Variants in SLC6A3 observed in about 807,000 individuals in gnomAD.
The protein encoded by SLC6A3 is solute carrier family 6 member 3.
Under a neutral mutation model 70.4 loss-of-function variants are expected in SLC6A3, and 19 were observed. The ratio of observed to expected loss-of-function variants is 0.27; its 90% CI spans 0.19 to 0.40. The LOEUF is 0.40. Among genes scored for constraint, SLC6A3 ranks in the 10% least tolerant of loss-of-function variants. The pLI is 1.00. For synonymous variants in SLC6A3, 368 were observed against 356.6 expected (o/e 1.03, Z -0.36); for missense variants, 613 against 838.5 (o/e 0.73, Z 3.32).
chr5:1,414,865 T>G, intron 7 of SLC6A3, 50 bp from the exon 8 acceptor site: 1 of 1,611,458 alleles, frequency 6.2e-7, no homozygotes, highest in Non-Finnish European at 8.5e-7. Context: ...CTGCAGCAGC[T>G]GCAATTTTCC....
At chr5:1,424,226 TCA>T (rs1756528171) in intron 4 of SLC6A3, among the ~76,000 whole-genome samples, 1 of 152,222 alleles carries the variant, frequency 6.6e-6, no homozygotes, top group Non-Finnish European at 1.5e-5. Flanking sequence ...AGCCGCTCAG[TCA>T]AGAGGCTATC....
intron 4 of SLC6A3, among the ~76,000 whole-genome samples, chr5:1,431,772 G>T (rs1756712158): frequency 6.6e-6 from 1 of 152,164 alleles, no homozygotes. Context: ...GGAGGACTGT[G>T]CAGGTCAGGC....
intron 4 of SLC6A3, among the ~76,000 whole-genome samples, chr5:1,426,148 G>C (rs1756570745): frequency 6.6e-6 from 1 of 152,056 alleles, no homozygotes; most frequent in African/African-American, 2.4e-5. Context: ...TCAACTTCTG[G>C]GTATCTACTC....
chr5:1,415,289 C>G (rs466630), intron 7 of SLC6A3, among the ~76,000 whole-genome samples: 107,566 of 151,560 alleles, frequency 0.71, 38,680 homozygotes, highest in Middle Eastern at 0.85. Context: ...GGAGGCAAGC[C>G]GAGGACGAAG....
At position 1,405,122 on chromosome 5, in the gene SLC6A3, C is replaced by T. The variant is rs568152476; in HGVS notation, c.1599+1066G>A. 4.6e-5 allele frequency among the ~76,000 whole-genome samples: 7 copies of T among 152,352 alleles called. No homozygotes were observed. Among genetic ancestry groups the T allele is most frequent in the South Asian group, 2.1e-4 (1 of 4,826 alleles). ...GAATCCAGGAACCTTCAACGGGAGC[C>T]TTCACAAGCGCAGTTAACTGGACTT... is the stretch of plus-strand genomic sequence containing the variant. On this transcript the variant is annotated intron_variant, in intron 12 of 14. Transcript: ENST00000270349. The surrounding 1 kb of genome is among the most constrained non-coding windows in gnomAD (Gnocchi z 5.3).
intron 3 of SLC6A3, 32 bp from the exon 4 acceptor site, chr5:1,432,730 G>A (rs377082686): frequency 2.1e-5 from 31 of 1,505,712 alleles, no homozygotes; most frequent in African/African-American, 2.8e-5. Context: ...TGGAGCCCAC[G>A]CAGGTGGAGC....
At position 1,438,854 on chromosome 5, in the gene SLC6A3, C is replaced by T. The variant is rs1756901726; in HGVS notation, c.418+2505G>A. On this transcript the variant is annotated intron_variant, in intron 3 of 14. Transcript: ENST00000270349. The surrounding 1 kb of genome is among the most constrained non-coding windows in gnomAD (Gnocchi z 6.5). ...TGCAGCCTGTGCCAGAGCACAATGT[C>T]ATCTTTCCTCAGTTTCCCCTACCCC... is the stretch of plus-strand genomic sequence containing the variant. Among the ~76,000 whole-genome samples, 1 of 152,236 alleles carries T rather than the reference C, an allele frequency of 6.6e-6. No individual in the cohort carries two copies. Among genetic ancestry groups the T allele is most frequent in the Non-Finnish European group, 1.5e-5 (1 of 68,046 alleles).
intron 9 of SLC6A3, 53 bp from the exon 10 acceptor site, chr5:1,409,902 G>C: frequency 6.2e-7 from 1 of 1,609,352 alleles, no homozygotes; most frequent in Non-Finnish European, 8.5e-7. Flanking sequence ...CCTGACCGCA[G>C]CCTGGGCCAA....
chr5:1,411,992 GCACA>G lies in SLC6A3; in HGVS notation c.1157-641_1157-638del, dbSNP rs560097198. On this transcript the variant is annotated intron_variant, in intron 8 of 14. Transcript: ENST00000270349. The surrounding 1 kb of genome is among the most constrained non-coding windows in gnomAD (Gnocchi z 6.5). ...CATGCAAGAACACATCCACATGCAC[GCACA>G]CAAACAGAAACATGCACGTGCATGC... is the stretch of plus-strand genomic sequence containing the variant. Among the ~76,000 whole-genome samples, 13 of 148,100 alleles carry G rather than the reference GCACA, an allele frequency of 8.8e-5. 1 individual carries two copies. In the South Asian group the frequency reaches 2.4e-3, roughly 27 times the overall value.
rs146010008 is a variant in SLC6A3, at chr5:1,394,657, C to T, written c.*78G>A. On this transcript the variant is annotated 3_prime_UTR_variant, in exon 15 of 15. Coordinates refer to ENST00000270349, the MANE Select transcript of SLC6A3 (RefSeq NM_001044.5). The surrounding 1 kb of genome is among the most constrained non-coding windows in gnomAD (Gnocchi z 4.7). Reference sequence around the variant, plus strand: ...GAGTAGAAGTTGCCCTCCTTTCTCTCGAAACTTAGATTTCCTTGGTTTGTT... The same window carrying T: ...GAGTAGAAGTTGCCCTCCTTTCTCTTGAAACTTAGATTTCCTTGGTTTGTT... 2.2e-5 allele frequency: 32 copies of T among 1,469,894 alleles called. No homozygotes were observed. In the Middle Eastern group the frequency reaches 5.2e-4, roughly 24 times the overall value. 91.1% of individuals were successfully genotyped at this position (1,469,894 alleles called of 1,614,324 possible). A position where few individuals can be genotyped will look rare whatever the true frequency, so the allele number is the denominator to read the frequency against.
chr5:1,416,574 C>CGAG, intron 6 of SLC6A3: 2 of 283,474 alleles, frequency 7.1e-6, no homozygotes, highest in Non-Finnish European at 1.4e-5. Flanking sequence ...AGCACGGCCT[C>CGAG]ATCTACACAA....
In SLC6A3 at chr5:1,411,351, T is replaced by C. The variant is rs762584215; in HGVS notation, c.1161A>G (p.Pro387=). 24 of 1,550,274 alleles carry C rather than the reference T, an allele frequency of 1.5e-5. No individual in the cohort carries two copies. The highest frequency in any genetic ancestry group is 3.4e-4 in the Middle Eastern group (2 of 5,896). The change falls in exon 9 of 15, where the codon CCA becomes CCG. Residue 387 remains proline, a synonymous_variant. Coordinates refer to ENST00000270349, the MANE Select transcript of SLC6A3 (RefSeq NM_001044.5). This position sits in a 1 kb window ranked among gnomAD's most constrained non-coding sequence, Gnocchi z 6.5. ...CCGGGTAGATGATGAAGATCAGCCC[T>C]GGCCCTGAAACAGAACCCGCCCTGC... is the stretch of plus-strand genomic sequence containing the variant. The part of the protein sequence containing the change: ...VPIGDVAKDG[P]GLIFIIYPEA...
At chr5:1,407,954 G>A (rs559085663) in intron 11 of SLC6A3, among the ~76,000 whole-genome samples, 6 of 152,202 alleles carry the variant, frequency 3.9e-5, no homozygotes, top group Admixed American at 3.3e-4. Context: ...CCAAAACCGG[G>A]GCTCACGCAG....
Position 1,409,730 on chromosome 5 carries a change from G to A in SLC6A3, c.1389C>T (p.Cys463=), listed in dbSNP as rs768878455. 17 of 1,613,174 alleles carry A rather than the reference G, an allele frequency of 1.1e-5. No individual in the cohort carries two copies. Among genetic ancestry groups the A allele is most frequent in the African/African-American group, 2.7e-5 (2 of 74,950 alleles). ...VLATFLLSLF[C]VTNGGIYVFT... ...CGGCGATGGTACGTACGTTGGTGAC[G>A]CAGAACAGGGACAGGAGGAAGGTCG... is the stretch of plus-strand genomic sequence containing the variant. The change falls in exon 10 of 15, where the codon TGC becomes TGT. Residue 463 remains cysteine (C), a synonymous_variant. Coordinates refer to ENST00000270349, the MANE Select transcript of SLC6A3 (RefSeq NM_001044.5).
In SLC6A3 at chr5:1,442,850, C is replaced by T. The variant is rs1733713389; in HGVS notation, c.286+62G>A. On this transcript the variant is annotated intron_variant, in intron 2 of 14. Transcript: ENST00000270349. The surrounding 1 kb of genome is among the most constrained non-coding windows in gnomAD (Gnocchi z 5.0). ...ATCTCGTTTCCGTACGTGCCTTGGC[C>T]CCGGCTGCCCCTACGACCCCCGCCC... is the stretch of plus-strand genomic sequence containing the variant. 1.3e-6 allele frequency: 2 copies of T among 1,564,342 alleles called. No homozygotes were observed. Among genetic ancestry groups the T allele is most frequent in the Middle Eastern group, 1.7e-4 (1 of 5,982 alleles).
intron 2 of SLC6A3, among the ~76,000 whole-genome samples, chr5:1,441,692 T>C (rs1733674145): frequency 3.9e-5 from 6 of 152,140 alleles, no homozygotes; most frequent in Admixed American, 3.3e-4. Flanking sequence ...ACGTCCCTCC[T>C]GGATCCCCTT....
intron 7 of SLC6A3, among the ~76,000 whole-genome samples, chr5:1,415,333 G>A (rs572076964): frequency 1.6e-4 from 25 of 152,232 alleles, no homozygotes; most frequent in East Asian, 3.9e-4. Context: ...GGGCACCAGC[G>A]TCCTCCTCCT....
chr5:1,416,066 G>T (rs373025516), intron 7 of SLC6A3, 32 bp downstream of exon 7: 1 of 1,503,624 alleles, frequency 6.7e-7, no homozygotes, highest in Admixed American at 1.7e-5. Flanking sequence ...TAGTATTGAT[G>T]AGGCCCCTGC....
rs1233129915 is a variant in SLC6A3 at position 1,406,505 on chromosome 5, G to A, written c.1499-217C>T. On this transcript the variant is annotated intron_variant, in intron 11 of 14. Transcript: ENST00000270349. The surrounding 1 kb of genome is among the most constrained non-coding windows in gnomAD (Gnocchi z 8.8). ...CACGTGCCTGCTCCACCCTGGAGAT[G>A]CACCAGGAAGAGCCGTGCCCCGGTG... is the stretch of plus-strand genomic sequence containing the variant. Among the ~76,000 whole-genome samples the A allele has an allele frequency of 6.6e-6, 1 of 152,180 alleles. No homozygotes were observed. Among genetic ancestry groups the A allele is most frequent in the Non-Finnish European group, 1.5e-5 (1 of 68,034 alleles).
Sources: gnomAD v4.1 joint callset for allele counts (sites outside exome capture counted in the v4.1 genomes callset) on GRCh38, gnomAD v4.1.1 for gene constraint, Gnocchi (gnomAD v3.1) non-coding constraint, MANE v1.5 for transcripts, NCBI Gene and HGNC (gene_info 2026-07-23, HGNC 2026-07-21) for gene names.